Variants in RALYL observed in about 807,000 individuals in gnomAD.
RALYL encodes RNA-binding Raly-like protein.
In RALYL, 29 loss-of-function variants were observed where a neutral mutation model predicts 35.1. That is an observed-to-expected ratio of 0.83 (90% CI 0.61 to 1.13). The LOEUF (loss-of-function observed/expected upper bound fraction) is 1.13, where lower values mean the gene tolerates loss of function less well. Among genes scored for constraint, RALYL ranks in the 50% most tolerant of loss-of-function variants. The probability of loss-of-function intolerance (pLI) is 0.00; values close to 1 mark genes in which losing one functional copy is unlikely to be tolerated. For synonymous variants in RALYL, 120 were observed against 127.6 expected (o/e 0.94, Z 0.40); for missense variants, 359 against 360.4 (o/e 1.00, Z 0.03).
chr8:84,541,936 G>C (rs922033117), intron 2 of RALYL, among the ~76,000 whole-genome samples: 5 of 151,930 alleles, frequency 3.3e-5, no homozygotes, highest in African/African-American at 1.2e-4. Context: ...CAGTGATCCT[G>C]TGTCTTAATA....
At chr8:84,188,400 T>G (rs560826931) in intron 1 of RALYL, among the ~76,000 whole-genome samples, 7 of 152,108 alleles carry the variant, frequency 4.6e-5, no homozygotes, top group Non-Finnish European at 7.4e-5. Context: ...AGGTCCTTAT[T>G]GATCTGCAGT....
intron 1 of RALYL, among the ~76,000 whole-genome samples, chr8:84,475,142 T>C (rs1180851644): frequency 6.6e-6 from 1 of 151,370 alleles, no homozygotes; most frequent in Non-Finnish European, 1.5e-5. Flanking sequence ...TTCCCACCTA[T>C]GAGTGAGAAC....
At chr8:84,823,774 CTTT>C (rs1472242625) in intron 4 of RALYL, among the ~76,000 whole-genome samples, 5 of 152,026 alleles carry the variant, frequency 3.3e-5, no homozygotes, top group African/African-American at 1.2e-4. Context: ...CCCTCTACTT[CTTT>C]ATCTCTCTCT....
intron 1 of RALYL, among the ~76,000 whole-genome samples, chr8:84,464,134 T>A (rs889678230): frequency 2.4e-5 from 3 of 124,662 alleles, no homozygotes; most frequent in African/African-American, 9.0e-5. Context: ...AAAACAAGTT[T>A]TTTTTTTGTT....
intron 1 of RALYL, among the ~76,000 whole-genome samples, chr8:84,192,844 G>C (rs1586057673): frequency 1.4e-5 from 2 of 139,752 alleles, no homozygotes; most frequent in African/African-American, 2.7e-5. Context: ...TGCCCAGCCC[G>C]CAACTGAATT....
At chr8:84,630,242 A>T in intron 2 of RALYL, among the ~76,000 whole-genome samples, 1 of 152,052 alleles carries the variant, frequency 6.6e-6, no homozygotes, top group East Asian at 1.9e-4. Context: ...ACTAATTAGT[A>T]ACAGGAAAGC....
At chr8:84,304,636 A>T (rs566091565) in intron 1 of RALYL, among the ~76,000 whole-genome samples, 21 of 152,338 alleles carry the variant, frequency 1.4e-4, no homozygotes, top group African/African-American at 4.3e-4. Flanking sequence ...TTCTAATGTT[A>T]TACTTTCCTC....
intron 1 of RALYL, among the ~76,000 whole-genome samples, chr8:84,364,614 G>A (rs2131315932): frequency 1.3e-5 from 2 of 152,128 alleles, no homozygotes; most frequent in South Asian, 4.1e-4. Flanking sequence ...TTGAATTACT[G>A]AAAGAGAAAA....
chr8:84,869,385 T>TTG (rs397700667), intron 6 of RALYL, among the ~76,000 whole-genome samples: 1 of 36,588 alleles, frequency 2.7e-5, no homozygotes, highest in Non-Finnish European at 4.4e-5. Flanking sequence ...AAATAATGTA[T>TTG]AATGGCTGGG....
intron 1 of RALYL, chr8:84,185,223 A>G: frequency 6.4e-6 from 4 of 622,132 alleles, no homozygotes; most frequent in Non-Finnish European, 1.2e-5. Flanking sequence ...TAATGACCCT[A>G]CACCTCTAAG....
intron 1 of RALYL, among the ~76,000 whole-genome samples, chr8:84,274,831 GT>G (rs1257547937): frequency 5.3e-5 from 8 of 152,220 alleles, no homozygotes; most frequent in African/African-American, 1.9e-4. Context: ...TCTTATGGTA[GT>G]TTTTTTGCCA....
intron 1 of RALYL, among the ~76,000 whole-genome samples, chr8:84,498,011 CT>C (rs2056264536): frequency 6.6e-6 from 1 of 150,904 alleles, no homozygotes; most frequent in Admixed American, 6.6e-5. Flanking sequence ...ACACATGCAG[CT>C]TTGTTACAGA....
At chr8:84,316,500 T>A (rs1188722392) in intron 1 of RALYL, among the ~76,000 whole-genome samples, 1 of 152,148 alleles carries the variant, frequency 6.6e-6, no homozygotes, top group African/African-American at 2.4e-5. Flanking sequence ...GTACTTTTCT[T>A]TGTTGTTACA....
In RALYL at chr8:84,541,592, G is replaced by T. The variant is rs73294018; in HGVS notation, c.256+12015G>T. On this transcript the variant is annotated intron_variant, in intron 2 of 8. Coordinates refer to ENST00000521268, the MANE Select transcript of RALYL (RefSeq NM_173848.7). ...TTTATATGTCAAACAGGCAAAAATC[G>T]CTAACTGAATTACTCTGACCTTCCG... Among the ~76,000 whole-genome samples, 633 of 152,020 alleles carry T rather than the reference G, an allele frequency of 4.2e-3. 5 individuals are homozygous for T. Among genetic ancestry groups the T allele is most frequent in the African/African-American group, 0.014 (589 of 41,534 alleles).
intron 3 of RALYL, among the ~76,000 whole-genome samples, chr8:84,776,881 G>C (rs1345415714): frequency 6.6e-6 from 1 of 152,146 alleles, no homozygotes; most frequent in Non-Finnish European, 1.5e-5. Flanking sequence ...AGCCACATTA[G>C]TGAGAAAGTG....
chr8:84,607,919 G>A (rs1281789470), intron 2 of RALYL, among the ~76,000 whole-genome samples: 4 of 149,366 alleles, frequency 2.7e-5, no homozygotes, highest in Non-Finnish European at 5.9e-5. Flanking sequence ...TAAGCATCTA[G>A]GTTTTTTTTT....
chr8:84,185,594 G>A (rs1169192474), intron 1 of RALYL, among the ~76,000 whole-genome samples: 1 of 152,012 alleles, frequency 6.6e-6, no homozygotes, highest in Non-Finnish European at 1.5e-5. Context: ...TTAAAATCTG[G>A]AGAGTCACCA....
chr8:84,410,294 T>C (rs1040530637), intron 1 of RALYL, among the ~76,000 whole-genome samples: 1 of 151,956 alleles, frequency 6.6e-6, no homozygotes, highest in Non-Finnish European at 1.5e-5. Flanking sequence ...ATACAAAAAC[T>C]CTATGGCTTT....
chr8:84,494,190 G>T lies in RALYL; in HGVS notation c.-23-35109G>T, dbSNP rs2055707592. Among the ~76,000 whole-genome samples the T allele has an allele frequency of 2.0e-5, 3 of 152,036 alleles. No individual in the cohort carries two copies. The South Asian group carries it at 6.2e-4, about 31-fold the overall frequency. The stretch of plus-strand genomic sequence containing the variant: ...TTTCCCCATTGCTTGTTTTTATCAG[G>T]TTTGTTGAAGATCAGATGGTTGTAC... On this transcript the variant is annotated intron_variant, in intron 1 of 8. Coordinates refer to ENST00000521268, the MANE Select transcript of RALYL (RefSeq NM_173848.7).
Sources: allele counts gnomAD v4.1 joint callset (sites outside exome capture counted in the v4.1 genomes callset), GRCh38; gene constraint gnomAD v4.1.1; transcripts MANE v1.5; gene names NCBI Gene and HGNC (gene_info 2026-07-23, HGNC 2026-07-21).